Variants in GRM8 observed in about 807,000 individuals in gnomAD.
The protein encoded by GRM8 is glutamate metabotropic receptor 8, also known as metabotropic glutamate receptor 8.
GRM8 carries 47 observed loss-of-function variants against 87.2 expected under a neutral mutation model. The ratio of observed to expected loss-of-function variants is 0.54; its 90% CI spans 0.43 to 0.69. The LOEUF is 0.69. Among genes scored for constraint, GRM8 ranks in the 30% least tolerant of loss-of-function variants. The pLI is 0.00. For missense variants in GRM8, 1,019 were observed against 1,139.2 expected, an observed-to-expected ratio of 0.89 and a Z score of 1.52; for synonymous variants, 396 against 404.5, an observed-to-expected ratio of 0.98 and a Z score of 0.25.
rs10279547 is a variant in GRM8, at chr7:126,984,914, G to C, written c.728-80231C>G. On this transcript the variant is annotated intron_variant, in intron 3 of 10. Coordinates refer to ENST00000339582, the MANE Select transcript of GRM8 (RefSeq NM_000845.3). Reference sequence around the variant, plus strand: ...GAAAATGATTTTAGACCTTTCAGGCGGATGCACCTTTTGGTTCATGTGATA... The same window carrying C: ...GAAAATGATTTTAGACCTTTCAGGCCGATGCACCTTTTGGTTCATGTGATA... Among the ~76,000 whole-genome samples the C allele has an allele frequency of 2.0e-5, 3 of 152,012 alleles. No homozygotes were observed. The East Asian group carries it at 5.8e-4, about 29-fold the overall frequency.
chr7:126,776,670 A>G (rs1715202920), intron 6 of GRM8, among the ~76,000 whole-genome samples: 1 of 152,194 alleles, frequency 6.6e-6, no homozygotes, highest in South Asian at 2.1e-4. Flanking sequence ...ACCTTATGCA[A>G]TGTTGCAGTA....
chr7:126,526,385 T>TACA (rs1562920564), intron 9 of GRM8, among the ~76,000 whole-genome samples: 165 of 152,310 alleles, frequency 1.1e-3, no homozygotes, highest in African/African-American at 3.8e-3. Flanking sequence ...TCAATCATAT[T>TACA]CAGAAAGTTC....
At chr7:126,707,665 C>A (rs1288140269) in intron 7 of GRM8, among the ~76,000 whole-genome samples, 1 of 152,132 alleles carries the variant, frequency 6.6e-6, no homozygotes, top group Non-Finnish European at 1.5e-5. Context: ...AAGAAAGTCT[C>A]TTTTATAAAT....
chr7:126,446,400 T>C, intron 9 of GRM8, 28 bp from the exon 10 acceptor site: 1 of 1,492,032 alleles, frequency 6.7e-7, no homozygotes. Flanking sequence ...AAAGAATCAC[T>C]GTTGGTAAGC....
At chr7:126,646,673 T>G (rs1803131444) in intron 7 of GRM8, among the ~76,000 whole-genome samples, 1 of 152,312 alleles carries the variant, frequency 6.6e-6, no homozygotes, top group East Asian at 1.9e-4. Context: ...ACTGGATTTA[T>G]CTATAAACTT....
At chr7:126,902,232 T>A (rs1477007764) in intron 6 of GRM8, among the ~76,000 whole-genome samples, 4 of 152,186 alleles carry the variant, frequency 2.6e-5, no homozygotes, top group African/African-American at 9.7e-5. Flanking sequence ...CCATGTCTTA[T>A]TTGTCTGTAT....
At chr7:127,089,743 A>C (rs190273988) in intron 3 of GRM8, among the ~76,000 whole-genome samples, 2 of 152,364 alleles carry the variant, frequency 1.3e-5, no homozygotes, top group African/African-American at 4.8e-5. Flanking sequence ...GTACACACAC[A>C]GTGTTGCAAT....
chr7:126,967,890 G>A (rs913673629), intron 3 of GRM8, among the ~76,000 whole-genome samples: 8 of 152,136 alleles, frequency 5.3e-5, no homozygotes, highest in Admixed American at 4.6e-4. Context: ...TCATAATGAA[G>A]CAAAAGTAGG....
chr7:126,908,609 G>A (rs1802952859), intron 3 of GRM8, among the ~76,000 whole-genome samples: 1 of 152,170 alleles, frequency 6.6e-6, no homozygotes, highest in Non-Finnish European at 1.5e-5. Flanking sequence ...TTCAGAAGAA[G>A]CAAACAAGCA....
At chr7:126,681,247 T>G (rs1333961327) in intron 7 of GRM8, among the ~76,000 whole-genome samples, 1 of 152,210 alleles carries the variant, frequency 6.6e-6, no homozygotes, top group Non-Finnish European at 1.5e-5. Context: ...CCTATTATTT[T>G]AGGATTCCTC....
chr7:126,474,130 A>G (rs540655153), intron 9 of GRM8, among the ~76,000 whole-genome samples: 14 of 152,282 alleles, frequency 9.2e-5, no homozygotes, highest in African/African-American at 3.4e-4. Flanking sequence ...TCCTAAAACA[A>G]TTTGGAATGA....
rs1424530962 is a variant in GRM8, at chr7:126,904,750, C to G, written c.728-67G>C. ...TTATTTAATTAGCAAACCCAATTACCTACTTTATAAAAGCACATACTTCTG... is the reference window on the plus strand; with the variant it reads ...TTATTTAATTAGCAAACCCAATTACGTACTTTATAAAAGCACATACTTCTG... On this transcript the variant is annotated intron_variant, in intron 3 of 10. Transcript: ENST00000339582. 3.0e-5 allele frequency: 42 copies of G among 1,408,372 alleles called. No homozygotes were observed. The African/African-American group carries it at 5.3e-4, about 18-fold the overall frequency. The allele number at this position is 1,408,372 out of a possible 1,614,324, so 87.2% of individuals were successfully genotyped here.
chr7:127,108,464 T>G (rs1156317732), intron 2 of GRM8, among the ~76,000 whole-genome samples: 1 of 152,088 alleles, frequency 6.6e-6, no homozygotes, highest in Admixed American at 6.6e-5. Context: ...GGGAAGGGAA[T>G]AGGGGAGCAT....
chr7:126,615,830 T>C (rs1394981587), intron 7 of GRM8, among the ~76,000 whole-genome samples: 5 of 151,870 alleles, frequency 3.3e-5, no homozygotes, highest in South Asian at 4.2e-4. Context: ...GCTAACTATC[T>C]TAAATATATA....
intron 7 of GRM8, among the ~76,000 whole-genome samples, chr7:126,721,111 A>G (rs540987065): frequency 1.3e-5 from 2 of 152,222 alleles, no homozygotes; most frequent in Non-Finnish European, 2.9e-5. Flanking sequence ...AAAATGTGTG[A>G]ACAGAATGTT....
chr7:126,729,246 G>T (rs1470449717), intron 7 of GRM8, among the ~76,000 whole-genome samples: 1 of 152,114 alleles, frequency 6.6e-6, no homozygotes, highest in East Asian at 1.9e-4. Context: ...TGCTCTGATG[G>T]CTTCACACTG....
At chr7:126,826,208 T>C (rs1794778528) in intron 6 of GRM8, among the ~76,000 whole-genome samples, 1 of 152,136 alleles carries the variant, frequency 6.6e-6, no homozygotes, top group African/African-American at 2.4e-5. Context: ...TATAGTAGCA[T>C]GATTTATAGT....
chr7:126,719,956 G>A (rs1812191629), intron 7 of GRM8, among the ~76,000 whole-genome samples: 1 of 150,166 alleles, frequency 6.7e-6, no homozygotes, highest in South Asian at 2.1e-4. Context: ...GTTTTTTAAA[G>A]TAATAGTGAT....
chr7:126,755,580 A>G (rs1816910128), intron 7 of GRM8, among the ~76,000 whole-genome samples: 1 of 151,912 alleles, frequency 6.6e-6, no homozygotes, highest in Non-Finnish European at 1.5e-5. Flanking sequence ...ATGTGTGACA[A>G]CTCTGACAGC....
Sources: allele counts gnomAD v4.1 joint callset (sites outside exome capture counted in the v4.1 genomes callset), GRCh38; gene constraint gnomAD v4.1.1; transcripts MANE v1.5; gene names NCBI Gene and HGNC (gene_info 2026-07-23, HGNC 2026-07-21).